Variants in HERC6 observed in about 807,000 individuals in gnomAD.
HERC6 encodes the protein probable E3 ubiquitin-protein ligase HERC6.
Under a neutral mutation model 114.5 loss-of-function variants are expected in HERC6, and 101 were observed. The observed-to-expected ratio is 0.88, with a 90% confidence interval of 0.75 to 1.04. The LOEUF (loss-of-function observed/expected upper bound fraction) is 1.04. Among genes scored for constraint, HERC6 ranks in the 50% least tolerant of loss-of-function variants. The probability of loss-of-function intolerance (pLI) is 0.00; values close to 1 mark genes in which losing one functional copy is unlikely to be tolerated. For synonymous variants in HERC6, 408 were observed against 436.2 expected, an observed-to-expected ratio of 0.94 and a Z score of 0.81; for missense variants, 1,133 against 1,230.9, an observed-to-expected ratio of 0.92 and a Z score of 1.19.
At chr4:88,390,594 T>C in intron 3 of HERC6, 58 bp from the exon 4 acceptor site, 1 of 1,399,944 alleles carries the variant, frequency 7.1e-7, no homozygotes, top group Non-Finnish European at 9.6e-7. Flanking sequence ...TAGTAGTTTC[T>C]ATTTGAATTT....
intron 13 of HERC6, among the ~76,000 whole-genome samples, chr4:88,423,294 G>A (rs887814946): frequency 8.6e-5 from 13 of 151,842 alleles, no homozygotes; most frequent in Non-Finnish European, 1.5e-4. Context: ...AACCTCTTAA[G>A]TCTTTCCCCA....
At chr4:88,379,157 C>T (rs1320149294) in intron 1 of HERC6, 37 bp downstream of exon 1, 2 of 1,475,146 alleles carry the variant, frequency 1.4e-6, no homozygotes, top group Non-Finnish European at 1.8e-6. Context: ...TGTGAGGACC[C>T]CAGTACATGG....
At position 88,442,404 on chromosome 4, in the gene HERC6, C is replaced by T. The variant is rs75754826; in HGVS notation, c.3013C>T (p.Gln1005Ter). 1.9e-6 allele frequency: 3 copies of T among 1,614,002 alleles called. No individual in the cohort carries two copies. The highest frequency in any genetic ancestry group is 1.7e-6 in the Non-Finnish European group (2 of 1,179,960). ...AATGGAAAGAATGGAGGAAGCACTT[C>T]AAGTAGCCATCAACAACAACAGAGG... ...STMERMEEAL[Q>*]VAINNNRGFV... is the part of the protein sequence containing the mutation. The change falls in exon 23 of 23, where the codon CAA becomes TAA. Residue 1005 changes from glutamine to a stop codon, truncating the protein, a stop_gained. Coordinates refer to ENST00000264346, the MANE Select transcript of HERC6 (RefSeq NM_017912.4). LOFTEE classifies it low-confidence loss of function (END_TRUNC).
At chr4:88,435,513 T>C (rs1275437903) in intron 17 of HERC6, among the ~76,000 whole-genome samples, 1 of 152,242 alleles carries the variant, frequency 6.6e-6, no homozygotes, top group Non-Finnish European at 1.5e-5. Context: ...TATTTAATGT[T>C]CTGAACTATC....
At chr4:88,433,213 G>A (rs929472842) in intron 17 of HERC6, among the ~76,000 whole-genome samples, 2 of 152,110 alleles carry the variant, frequency 1.3e-5, no homozygotes, top group Non-Finnish European at 2.9e-5. Flanking sequence ...AACAAAGTTC[G>A]TATTAAATAC....
Position 88,383,394 on chromosome 4 carries a change from C to T in HERC6, c.359+14C>T. On this transcript the variant is annotated intron_variant, in intron 2 of 22. Transcript: ENST00000264346. ...TTTCACACCTAAGTAAGTGTTTCAA[C>T]CCACTCCTTCATTTATTCAATATAT... is the stretch of plus-strand genomic sequence containing the variant. 1 of 1,471,052 alleles carries T rather than the reference C, an allele frequency of 6.8e-7. No homozygotes were observed. The highest frequency in any genetic ancestry group is 9.0e-7 in the Non-Finnish European group (1 of 1,111,376). 91.1% of individuals were successfully genotyped at this position (1,471,052 alleles called of 1,614,324 possible).
chr4:88,429,881 T>TA (rs1026809393), intron 16 of HERC6, among the ~76,000 whole-genome samples: 2 of 151,242 alleles, frequency 1.3e-5, no homozygotes, highest in African/African-American at 2.4e-5. Context: ...GACCAAGGGG[T>TA]AAAAAAAAGT....
chr4:88,442,688 C>G lies in HERC6; in HGVS notation c.*228C>G. On this transcript the variant is annotated 3_prime_UTR_variant, in exon 23 of 23. Coordinates refer to ENST00000264346, the MANE Select transcript of HERC6 (RefSeq NM_017912.4). ...GATCTAAGGATGACTTGGACACACT[C>G]CCTGGCACTGAAGAGTCTGAACACT... 1.8e-6 allele frequency: 1 copy of G among 560,204 alleles called. No homozygotes were observed. Among genetic ancestry groups the G allele is most frequent in the Non-Finnish European group, 3.2e-6 (1 of 311,864 alleles). The allele number at this position is 560,204 out of a possible 1,614,324, so 34.7% of individuals were successfully genotyped here.
chr4:88,413,140 G>T lies in HERC6; in HGVS notation c.1432G>T (p.Ala478Ser). 1 of 1,613,564 alleles carries T rather than the reference G, an allele frequency of 6.2e-7. No homozygotes were observed. Among genetic ancestry groups the T allele is most frequent in the Non-Finnish European group, 8.5e-7 (1 of 1,179,586 alleles). The change falls in exon 12 of 23, where the codon GCT becomes TCT. Residue 478 changes from alanine to serine, a missense_variant. Physicochemically the swap from Ala to Ser is moderately conservative, Grantham distance 99 (BLOSUM62 1). Transcript: ENST00000264346. ...TCCATGCCATTCTCCACACCAAGAA[G>T]CTTTATCAGTTTTCCTCCTGCTCCC... ...ALPCHSPHQEALSVFLLLPEC... is the reference protein window; with the variant it reads ...ALPCHSPHQESLSVFLLLPEC...
At chr4:88,389,500 G>T (rs1734778245) in intron 3 of HERC6, among the ~76,000 whole-genome samples, 1 of 152,058 alleles carries the variant, frequency 6.6e-6, no homozygotes, top group Admixed American at 6.6e-5. Context: ...GTTGGATTCT[G>T]GATAGATTTT....
chr4:88,420,383 T>C (rs1451532421), intron 13 of HERC6, among the ~76,000 whole-genome samples: 1 of 152,202 alleles, frequency 6.6e-6, no homozygotes, highest in Non-Finnish European at 1.5e-5. Context: ...ACAAATTCCA[T>C]TTGTCGGGCT....
chr4:88,413,325 G>A (rs1437175928), intron 12 of HERC6, 59 bp downstream of exon 12: 11 of 1,282,458 alleles, frequency 8.6e-6, no homozygotes, highest in Middle Eastern at 3.9e-4. Flanking sequence ...TGAAGTAGAC[G>A]TTGTAGCAAA....
At chr4:88,386,056 C>T (rs1032002711) in intron 3 of HERC6, among the ~76,000 whole-genome samples, 1 of 152,104 alleles carries the variant, frequency 6.6e-6, no homozygotes, top group African/African-American at 2.4e-5. Context: ...TGTCCACCCT[C>T]AATCCAAATT....
intron 11 of HERC6, among the ~76,000 whole-genome samples, chr4:88,410,707 C>T (rs2148898919): frequency 6.6e-6 from 1 of 152,200 alleles, no homozygotes; most frequent in South Asian, 2.1e-4. Flanking sequence ...TGTACGCTTG[C>T]ATGTGGGGCA....
At chr4:88,436,785 A>G in intron 18 of HERC6, 120 bp from the exon 19 acceptor site, 1 of 612,208 alleles carries the variant, frequency 1.6e-6, no homozygotes, top group East Asian at 3.2e-5. Context: ...GATGGAGGAT[A>G]GGAAATTTAT....
intron 8 of HERC6, among the ~76,000 whole-genome samples, chr4:88,402,260 C>T (rs748723532): frequency 1.2e-4 from 19 of 152,182 alleles, no homozygotes; most frequent in Non-Finnish European, 2.5e-4. Context: ...CAGCTTCTCA[C>T]CTGTATCTAG....
Position 88,380,382 on chromosome 4 carries a change from T to C in HERC6, c.199+1262T>C, listed in dbSNP as rs1734244850. On this transcript the variant is annotated intron_variant, in intron 1 of 22. Coordinates refer to ENST00000264346, the MANE Select transcript of HERC6 (RefSeq NM_017912.4). Reference sequence around the variant, plus strand: ...TATATATAATATATAAATATATATATATAATATATAAATATATATATATAA... The same window carrying C: ...TATATATAATATATAAATATATATACATAATATATAAATATATATATATAA... Among the ~76,000 whole-genome samples, 2 of 94,368 alleles carry C rather than the reference T, an allele frequency of 2.1e-5. 1 individual carries two copies. Among genetic ancestry groups the C allele is most frequent in the South Asian group, 5.4e-4 (2 of 3,738 alleles). The allele number at this position is 94,368 out of a possible 152,430, so 61.9% of individuals were successfully genotyped here.
At chr4:88,384,081 CAGT>C (rs1734457657) in intron 2 of HERC6, among the ~76,000 whole-genome samples, 1 of 152,106 alleles carries the variant, frequency 6.6e-6, no homozygotes, top group Admixed American at 6.6e-5. Context: ...CCTGAAAATG[CAGT>C]TCCCAGTAAC....
At chr4:88,422,819 T>C (rs577750794) in intron 13 of HERC6, among the ~76,000 whole-genome samples, 1 of 152,300 alleles carries the variant, frequency 6.6e-6, no homozygotes, top group East Asian at 1.9e-4. Flanking sequence ...CCTTAAATGA[T>C]AGGTAGAACT....
Sources: gnomAD v4.1 joint callset for allele counts (sites outside exome capture counted in the v4.1 genomes callset) on GRCh38, gnomAD v4.1.1 for gene constraint, MANE v1.5 for transcripts, NCBI Gene and HGNC (gene_info 2026-07-23, HGNC 2026-07-21) for gene names.